The following KANSL1L variants were observed in gnomAD, a reference collection of about 807,000 sequenced individuals.
KANSL1L encodes the protein KAT8 regulatory NSL complex subunit 1-like protein.
In KANSL1L, 25 loss-of-function variants were observed where a neutral mutation model predicts 108.6. The observed-to-expected ratio is 0.23, with a 90% CI of 0.17 to 0.32. The LOEUF (loss-of-function observed/expected upper bound fraction) is 0.32. Ranked by LOEUF, KANSL1L falls within the 10% of genes least tolerant of loss-of-function variation. The probability of loss-of-function intolerance (pLI) is 1.00; values close to 1 mark genes in which losing one functional copy is unlikely to be tolerated. For synonymous variants in KANSL1L, 405 were observed against 395.1 expected (o/e 1.03, Z -0.30); for missense variants, 1,137 against 1,125.7 (o/e 1.01, Z -0.14).
chr2:210,077,220 A>C (rs1331429009), intron 5 of KANSL1L, among the ~76,000 whole-genome samples: 1 of 152,162 alleles, frequency 6.6e-6, no homozygotes, highest in Non-Finnish European at 1.5e-5. Context: ...ACTACTGGCC[A>C]GACCAATATA....
intron 2 of KANSL1L, 98 bp from the exon 3 acceptor site, chr2:210,129,270 T>C (rs973091816): frequency 8.9e-6 from 9 of 1,014,474 alleles, no homozygotes; most frequent in African/African-American, 6.5e-5. Flanking sequence ...TAAAAGCAAA[T>C]TTCCTTTCTA....
At chr2:210,084,631 T>C (rs1369720946) in intron 5 of KANSL1L, among the ~76,000 whole-genome samples, 2 of 152,194 alleles carry the variant, frequency 1.3e-5, no homozygotes, top group Non-Finnish European at 1.5e-5. Flanking sequence ...TCTCTCTTTT[T>C]TGAGACACAG....
intron 3 of KANSL1L, among the ~76,000 whole-genome samples, chr2:210,115,368 C>T (rs1010497830): frequency 6.6e-6 from 1 of 151,930 alleles, no homozygotes. Context: ...TGAAACCATG[C>T]CACAAAGAGT....
chr2:210,080,628 GACTA>G (rs1239983671), intron 5 of KANSL1L, among the ~76,000 whole-genome samples: 11 of 152,158 alleles, frequency 7.2e-5, no homozygotes, highest in Non-Finnish European at 1.2e-4. Context: ...GTGGGCTGTA[GACTA>G]ACTGACACCA....
chr2:210,043,761 C>T (rs1025432182), intron 7 of KANSL1L, 178 bp downstream of exon 7: 6 of 421,994 alleles, frequency 1.4e-5, no homozygotes, highest in Admixed American at 4.3e-5. Flanking sequence ...GAACATTAAC[C>T]GTGCATGTGA....
intron 5 of KANSL1L, among the ~76,000 whole-genome samples, chr2:210,082,354 G>C (rs966410985): frequency 2.0e-5 from 3 of 152,154 alleles, no homozygotes; most frequent in African/African-American, 7.2e-5. Context: ...TGGAATCTAA[G>C]ACATGTACTA....
At chr2:210,058,970 G>A (rs1437184078) in intron 6 of KANSL1L, among the ~76,000 whole-genome samples, 1 of 151,604 alleles carries the variant, frequency 6.6e-6, no homozygotes, top group African/African-American at 2.4e-5. Flanking sequence ...TTATTTCTCA[G>A]ACCGGCTGAC....
At chr2:210,129,764 T>A (rs2095103206) in intron 2 of KANSL1L, among the ~76,000 whole-genome samples, 1 of 152,156 alleles carries the variant, frequency 6.6e-6, no homozygotes, top group Admixed American at 6.6e-5. Context: ...CCTTAAAATA[T>A]TTAAGATAAA....
At chr2:210,166,717 A>G (rs891857690) in intron 1 of KANSL1L, among the ~76,000 whole-genome samples, 5 of 152,108 alleles carry the variant, frequency 3.3e-5, no homozygotes, top group Non-Finnish European at 5.9e-5. Context: ...CTAGGAAAAC[A>G]TTATCAGAAA....
chr2:210,154,619 A>G lies in KANSL1L; in HGVS notation c.-29-8T>C, dbSNP rs1454493869. 7.2e-7 allele frequency: 1 copy of G among 1,386,842 alleles called. No homozygotes were observed. The highest frequency in any genetic ancestry group is 1.5e-5 in the African/African-American group (1 of 68,340). 85.9% of individuals were successfully genotyped at this position (1,386,842 alleles called of 1,614,324 possible). ...TAGATAAGTATTGGAAACCTACAAT[A>G]ATGTAAAAATAAATGGTCAAATATC... is the stretch of plus-strand genomic sequence containing the variant. On this transcript the variant is annotated splice_polypyrimidine_tract_variant and splice_region_variant and intron_variant, in intron 1 of 14. Coordinates refer to ENST00000281772, the MANE Select transcript of KANSL1L (RefSeq NM_152519.4).
Position 210,079,670 on chromosome 2 carries a change from G to GTGTATATATATATATATATATATGTA in KANSL1L, c.1551-3915_1551-3914insTACATATATATATATATATATATACA, listed in dbSNP as rs1559539857. ...TATATATATATATATATATATGTAT[G>GTGTATATATATATATATATATATGTA]TGTGTATATATATATATATATGTAT... On this transcript the variant is annotated intron_variant, in intron 5 of 14. Transcript: ENST00000281772. 4.3e-3 allele frequency: 72 copies of GTGTATATATATATATATATATATGTA among 16,588 alleles called. 2 individuals are homozygous for GTGTATATATATATATATATATATGTA. Among genetic ancestry groups the GTGTATATATATATATATATATATGTA allele is most frequent in the African/African-American group, 9.9e-3 (32 of 3,232 alleles). 1.0% of individuals were successfully genotyped at this position (16,588 alleles called of 1,614,324 possible).
intron 12 of KANSL1L, 46 bp downstream of exon 12, chr2:210,027,250 A>G (rs1575353550): frequency 1.6e-6 from 2 of 1,263,084 alleles, no homozygotes; most frequent in South Asian, 2.4e-5. Context: ...AGCAGGTTTC[A>G]TAATACATAA....
chr2:210,125,661 T>C (rs551513460), intron 3 of KANSL1L, among the ~76,000 whole-genome samples: 47 of 152,306 alleles, frequency 3.1e-4, no homozygotes, highest in African/African-American at 1.1e-3. Flanking sequence ...ATTCTTAGAA[T>C]GAAAGGATGG....
chr2:210,096,423 T>G, intron 5 of KANSL1L: 1 of 873,950 alleles, frequency 1.1e-6, no homozygotes, highest in Non-Finnish European at 1.4e-6. Context: ...CTTGACTATG[T>G]GGCATACAAT....
intron 3 of KANSL1L, among the ~76,000 whole-genome samples, chr2:210,117,551 T>C (rs925549597): frequency 1.3e-5 from 2 of 152,160 alleles, no homozygotes; most frequent in African/African-American, 4.8e-5. Context: ...GGTAGCAGAC[T>C]TCTCAGGGGA....
intron 9 of KANSL1L, 91 bp from the exon 10 acceptor site, chr2:210,030,009 C>A: frequency 1.8e-6 from 1 of 567,806 alleles, no homozygotes; most frequent in South Asian, 3.4e-5. Context: ...GTGATTGATT[C>A]CTTGTTTTGT....
At chr2:210,082,714 A>G (rs999390126) in intron 5 of KANSL1L, among the ~76,000 whole-genome samples, 2 of 152,230 alleles carry the variant, frequency 1.3e-5, no homozygotes, top group Non-Finnish European at 2.9e-5. Context: ...TCAACATACA[A>G]TTTAAAACTA....
intron 5 of KANSL1L, among the ~76,000 whole-genome samples, chr2:210,087,153 C>T (rs1267999947): frequency 6.6e-6 from 1 of 151,900 alleles, no homozygotes; most frequent in Non-Finnish European, 1.5e-5. Context: ...CTCAGCGTCC[C>T]AAGCAGCTGA....
At chr2:210,063,038 T>C (rs914381321) in intron 6 of KANSL1L, among the ~76,000 whole-genome samples, 1 of 152,116 alleles carries the variant, frequency 6.6e-6, no homozygotes, top group Non-Finnish European at 1.5e-5. Flanking sequence ...AAAAGTGATT[T>C]TGTGGGCTGG....
Sources: allele counts gnomAD v4.1 joint callset (sites outside exome capture counted in the v4.1 genomes callset), GRCh38; gene constraint gnomAD v4.1.1; transcripts MANE v1.5; gene names NCBI Gene and HGNC (gene_info 2026-07-23, HGNC 2026-07-21).